Variants in CR1 observed in about 807,000 individuals in gnomAD.
The protein encoded by CR1 is complement C3b/C4b receptor 1 (Knops blood group).
In CR1, 116 loss-of-function variants were observed where a neutral mutation model predicts 187.3. The ratio of observed to expected loss-of-function variants is 0.62; its 90% CI spans 0.53 to 0.72. The LOEUF is 0.72. CR1 is among the 30% of genes least tolerant of loss of function. The probability of loss-of-function intolerance (pLI) is 0.00; values close to 1 mark genes in which losing one functional copy is unlikely to be tolerated. For synonymous variants in CR1, 576 were observed against 747.1 expected (o/e 0.77, Z 3.73); for missense variants, 1,731 against 2,110.7 (o/e 0.82, Z 3.52).
At chr1:207,499,984 C>G (rs1290413229) in intron 1 of CR1, among the ~76,000 whole-genome samples, 1 of 152,128 alleles carries the variant, frequency 6.6e-6, no homozygotes, top group African/African-American at 2.4e-5. Flanking sequence ...TCACCCTCTC[C>G]GCAAAGACAC....
intron 35 of CR1, among the ~76,000 whole-genome samples, chr1:207,591,400 G>A (rs969985648): frequency 2.6e-5 from 4 of 152,066 alleles, no homozygotes; most frequent in East Asian, 1.9e-4. Context: ...CTTTGAAACC[G>A]ATGAAAACAA....
chr1:207,630,394 C>T, intron 45 of CR1, 123 bp from the exon 46 acceptor site: 4 of 590,124 alleles, frequency 6.8e-6, no homozygotes. Context: ...AGACGTCTTG[C>T]AAAGATATCA....
chr1:207,517,942 C>A (rs1211007926), intron 4 of CR1, among the ~76,000 whole-genome samples: 2 of 152,044 alleles, frequency 1.3e-5, no homozygotes, highest in Admixed American at 6.6e-5. Flanking sequence ...TTCAGAAAAA[C>A]AACTTTTAAC....
In CR1 at chr1:207,584,677, C is replaced by G; in HGVS notation, c.5331C>G (p.Ile1777Met). 1 of 1,613,670 alleles carries G rather than the reference C, an allele frequency of 6.2e-7. No homozygotes were observed. The change falls in exon 33 of 47, where the codon ATC (isoleucine) becomes ATG (methionine). Residue 1777 changes from isoleucine (I) to methionine (M), a missense_variant. Ile to Met is a conservative substitution (Grantham distance 10). This residue lies in a region of CR1 where 1,312 missense variants were observed against 1,379.6 expected (regional missense o/e 0.95). Transcript: ENST00000367049. ...EHIFCPNPPAILNGRHTGTPS... is the reference protein window; with the variant it reads ...EHIFCPNPPAMLNGRHTGTPS... ...TCTTTTGTCCAAATCCTCCAGCTAT[C>G]CTTAATGGGAGACACACAGGAACTC...
At chr1:207,503,732 T>C (rs1407066994) in intron 1 of CR1, among the ~76,000 whole-genome samples, 1 of 152,196 alleles carries the variant, frequency 6.6e-6, no homozygotes, top group Non-Finnish European at 1.5e-5. Flanking sequence ...CAGGTAACAA[T>C]CACAGGCTTC....
chr1:207,575,598 C>A lies in CR1; in HGVS notation c.4455C>A (p.His1485Gln). The A allele has an allele frequency of 1.2e-6, 2 of 1,611,842 alleles. No individual in the cohort carries two copies. The highest frequency in any genetic ancestry group is 1.7e-6 in the Non-Finnish European group (2 of 1,179,704). Residue 1485 changes from histidine to glutamine, a missense_variant, in exon 28 of 47, where the codon CAC becomes CAA. Coordinates refer to ENST00000367049, the MANE Select transcript of CR1 (RefSeq NM_000651.6). ...SRINYSCTTG[H>Q]RLIGHSSAEC... ...ATTTTCCATTTTTTGCCTTTAGGCA[C>A]CGACTCATTGGTCACTCATCTGCTG...
chr1:207,622,839 T>C (rs1276058907), intron 44 of CR1, among the ~76,000 whole-genome samples, 154 bp from the exon 45 acceptor site: 25 of 151,820 alleles, frequency 1.6e-4, no homozygotes, highest in South Asian at 2.1e-4. Flanking sequence ...GTGAGACTAA[T>C]GCTATAGAAA....
At chr1:207,511,395 A>G (rs980370966) in intron 3 of CR1, among the ~76,000 whole-genome samples, 174 bp from the exon 4 acceptor site, 12 of 152,240 alleles carry the variant, frequency 7.9e-5, no homozygotes, top group African/African-American at 2.9e-4. Context: ...TATGAAAAAG[A>G]AAGTCAAAAA....
intron 46 of CR1, among the ~76,000 whole-genome samples, chr1:207,633,802 T>C (rs1230961922): frequency 2.6e-5 from 4 of 152,200 alleles, no homozygotes; most frequent in Admixed American, 2.0e-4. Flanking sequence ...GTGAGCAACA[T>C]GGCTGTTTAT....
chr1:207,499,445 T>C (rs1659197294), intron 1 of CR1, among the ~76,000 whole-genome samples: 1 of 152,218 alleles, frequency 6.6e-6, no homozygotes, highest in East Asian at 1.9e-4. Context: ...TCAGAAAAGG[T>C]GCTGAAGTCT....
Position 207,510,169 on chromosome 1 carries a change from T to G in CR1, c.402-1400T>G, listed in dbSNP as rs143997377. On this transcript the variant is annotated intron_variant, in intron 3 of 46. Coordinates refer to ENST00000367049, the MANE Select transcript of CR1 (RefSeq NM_000651.6). ...TTGCAGTGAGCCAAGATCGCACCAT[T>G]GCACTCCAGCCTTGGCGACAAGAGT... is the stretch of plus-strand genomic sequence containing the variant. 3.9e-5 allele frequency among the ~76,000 whole-genome samples: 6 copies of G among 152,162 alleles called. No individual in the cohort carries two copies. The East Asian group carries it at 1.2e-3, about 29-fold the overall frequency.
chr1:207,578,044 G>A lies in CR1; in HGVS notation c.4777G>A (p.Val1593Met). The A allele has an allele frequency of 1.9e-6, 3 of 1,611,600 alleles. No homozygotes were observed. The highest frequency in any genetic ancestry group is 2.2e-5 in the East Asian group (1 of 44,882). ...IIPNKCTPPN[V>M]ENGILVSDNR... The stretch of plus-strand genomic sequence containing the variant: ...ACCTAACAAATGCACGCCTCCAAAT[G>A]TGGAAAATGGAATATTGGTATCTGA... Residue 1593 changes from valine (V) to methionine (M), a missense_variant, in exon 29 of 47, where the codon GTG becomes ATG. This residue lies in a region of CR1 where 1,312 missense variants were observed against 1,379.6 expected (regional missense o/e 0.95). Transcript: ENST00000367049.
At chr1:207,588,422 C>T (rs761375071) in intron 34 of CR1, among the ~76,000 whole-genome samples, 12 of 152,134 alleles carry the variant, frequency 7.9e-5, no homozygotes, top group Admixed American at 2.0e-4. Flanking sequence ...CTGCCGGCCT[C>T]GGCCTCCCAA....
intron 39 of CR1, among the ~76,000 whole-genome samples, chr1:207,613,767 A>G (rs1294167947): frequency 6.6e-6 from 1 of 152,124 alleles, no homozygotes; most frequent in Admixed American, 6.5e-5. Flanking sequence ...ATGATTTCCA[A>G]TTTCAGAATG....
intron 4 of CR1, among the ~76,000 whole-genome samples, chr1:207,514,994 T>C (rs3991752): frequency 0.11 from 13,287 of 119,256 alleles, 920 homozygotes; most frequent in African/African-American, 0.2. Context: ...TATATATATA[T>C]ACACACACAC....
chr1:207,579,442 C>G (rs759035405), intron 29 of CR1, among the ~76,000 whole-genome samples: 5 of 152,154 alleles, frequency 3.3e-5, no homozygotes, highest in Admixed American at 6.5e-5. Context: ...CACAATCCTG[C>G]TGACCAAAAC....
chr1:207,574,808 A>G (rs1660688464), intron 27 of CR1, among the ~76,000 whole-genome samples: 1 of 152,236 alleles, frequency 6.6e-6, no homozygotes. Context: ...CACATATATA[A>G]AATGAAATTC....
intron 3 of CR1, among the ~76,000 whole-genome samples, chr1:207,508,124 G>T (rs1217862634): frequency 6.6e-6 from 1 of 152,214 alleles, no homozygotes; most frequent in East Asian, 1.9e-4. Context: ...AATATCAGTG[G>T]TTGTCAGGGG....
rs140295351 is a variant in CR1, at chr1:207,500,800, A to G, written c.121+4412A>G. On this transcript the variant is annotated intron_variant, in intron 1 of 46. Transcript: ENST00000367049. ...GAGAAATGAAATCATATGTCCACAC[A>G]AAGACTTGTACATGAATTTTCATAG... Among the ~76,000 whole-genome samples, 1,221 of 152,356 alleles carry G rather than the reference A, an allele frequency of 8.0e-3. 17 individuals carry two copies. The highest frequency in any genetic ancestry group is 0.028 in the African/African-American group (1,150 of 41,578).
Sources: allele counts gnomAD v4.1 joint callset (sites outside exome capture counted in the v4.1 genomes callset), GRCh38; gene constraint gnomAD v4.1.1; regional missense constraint gnomAD v4.1.1; transcripts MANE v1.5; gene names NCBI Gene and HGNC (gene_info 2026-07-23, HGNC 2026-07-21).